Variants in RCC1L observed in about 807,000 individuals in gnomAD.
RCC1L encodes RCC1 like, also known as RCC1-like G exchanging factor-like protein.
Under a neutral mutation model 58.6 loss-of-function variants are expected in RCC1L, and 46 were observed. The ratio of observed to expected loss-of-function variants is 0.79; its 90% CI spans 0.62 to 1.00. The LOEUF (loss-of-function observed/expected upper bound fraction) is 1.00. Among genes scored for constraint, RCC1L ranks in the 50% least tolerant of loss-of-function variants. The pLI, the probability that RCC1L is intolerant of heterozygous loss-of-function variation, is 0.00. For missense variants in RCC1L, 636 were observed against 623.6 expected (o/e 1.02, Z -0.21); for synonymous variants, 281 against 262.9 (o/e 1.07, Z -0.67).
At chr7:75,047,624 A>G (rs1290937296) in intron 10 of RCC1L, among the ~76,000 whole-genome samples, 1 of 152,054 alleles carries the variant, frequency 6.6e-6, no homozygotes, top group Non-Finnish European at 1.5e-5. Context: ...AGGTGGGTAC[A>G]TACACAGATG....
chr7:75,064,446 C>T (rs1040307635), intron 4 of RCC1L, 136 bp downstream of exon 4: 3 of 904,258 alleles, frequency 3.3e-6, no homozygotes, highest in African/African-American at 3.3e-5. Context: ...AGCACTCCCC[C>T]AGCTTTCTGC....
At position 75,042,733 on chromosome 7, in the gene RCC1L, C is replaced by T. The variant is rs1279196832; in HGVS notation, c.*299G>A. The T allele has an allele frequency of 1.7e-5, 23 of 1,332,364 alleles. No homozygotes were observed. The highest frequency in any genetic ancestry group is 5.2e-5 in the South Asian group (3 of 58,020). 82.5% of individuals were successfully genotyped at this position (1,332,364 alleles called of 1,614,324 possible). ...CCTAAGACGGGCTTCTCAGGCGAGA[C>T]GTGACACCAGACACCGTCGCATGTT... On this transcript the variant is annotated 3_prime_UTR_variant, in exon 11 of 11. Transcript: ENST00000610322.
chr7:75,073,466 C>T lies in RCC1L; in HGVS notation c.272G>A (p.Arg91Gln). The T allele has an allele frequency of 7.3e-7, 1 of 1,377,192 alleles. No individual in the cohort carries two copies. The highest frequency in any genetic ancestry group is 9.3e-7 in the Non-Finnish European group (1 of 1,071,150). The allele number at this position is 1,377,192 out of a possible 1,614,324, so 85.3% of individuals were successfully genotyped here. Reference protein sequence around the residue: ...SSGPGPRAGARPRRRIQPVPY... With the variant: ...SSGPGPRAGAQPRRRIQPVPY... ...CACGGGCTGGATCCTGCGGCGCGGT[C>T]GGGCGCCGGCGCGGGGCCCGGGCCC... is the stretch of plus-strand genomic sequence containing the variant. Residue 91 changes from arginine (R) to glutamine (Q), a missense_variant, in exon 1 of 11, where the codon CGA becomes CAA. Physicochemically the swap from Arg to Gln is conservative, Grantham distance 43 (BLOSUM62 1). Transcript: ENST00000610322.
exon 11 of RCC1L, chr7:75,027,922 G>T: frequency 1.6e-6 from 2 of 1,212,594 alleles, no homozygotes; most frequent in Non-Finnish European, 2.3e-6. Flanking sequence ...GGGTGGGAGG[G>T]TCTCTCCAGG....
intron 4 of RCC1L, among the ~76,000 whole-genome samples, chr7:75,064,284 T>G (rs900287451): frequency 6.6e-6 from 1 of 150,570 alleles, no homozygotes; most frequent in Non-Finnish European, 1.5e-5. Flanking sequence ...GAGCCGAGAT[T>G]GCGCCTCTGC....
chr7:75,061,039 A>C (rs1465757478), intron 6 of RCC1L, among the ~76,000 whole-genome samples, 168 bp downstream of exon 6: 2 of 152,124 alleles, frequency 1.3e-5, no homozygotes, highest in Non-Finnish European at 2.9e-5. Flanking sequence ...GCGCCACTGC[A>C]CTCCAGCTTG....
chr7:75,041,276 TCTC>T (rs1370475016), downstream of RCC1L, among the ~76,000 whole-genome samples: 11 of 151,966 alleles, frequency 7.2e-5, no homozygotes, highest in African/African-American at 2.7e-4. Context: ...GATCCCATCC[TCTC>T]CTCCTGCTTT....
chr7:75,029,817 T>C (rs1203400871), intron 10 of RCC1L, among the ~76,000 whole-genome samples: 3 of 151,866 alleles, frequency 2.0e-5, no homozygotes, highest in Admixed American at 2.0e-4. Flanking sequence ...GAAAAGACAT[T>C]GGCTTTGGGT....
intron 10 of RCC1L, among the ~76,000 whole-genome samples, chr7:75,029,636 G>A (rs935502546): frequency 4.0e-5 from 6 of 150,938 alleles, no homozygotes; most frequent in Non-Finnish European, 3.0e-5. Context: ...GAGATACCCC[G>A]CCTGGCCAAT....
chr7:75,028,899 C>T (rs1267316827), intron 10 of RCC1L, among the ~76,000 whole-genome samples: 1 of 152,230 alleles, frequency 6.6e-6, no homozygotes, highest in African/African-American at 2.4e-5. Flanking sequence ...CACTCCAAAC[C>T]ACTGGCATTC....
chr7:75,037,726 G>A (rs1805459414), downstream of RCC1L, among the ~76,000 whole-genome samples: 2 of 150,766 alleles, frequency 1.3e-5, no homozygotes, highest in African/African-American at 4.9e-5. Context: ...GGTCAGACTG[G>A]TCTTCAACTC....
rs1554446510 is a variant in RCC1L at position 75,073,574 on chromosome 7, G to C, written c.164C>G (p.Ala55Gly). Residue 55 changes from alanine (A) to glycine (G), a missense_variant, in exon 1 of 11, where the codon GCT becomes GGT. Ala to Gly is a moderately conservative substitution (Grantham distance 60). Coordinates refer to ENST00000610322, the MANE Select transcript of RCC1L (RefSeq NM_030798.5). ...VPVVQYVGERAARADRVFVWG... is the reference protein window; with the variant it reads ...VPVVQYVGERGARADRVFVWG... ...CACGAAGACGCGATCGGCGCGGGCA[G>C]CGCGCTCGCCCACGTACTGGACCAC... is the stretch of plus-strand genomic sequence containing the variant. 2.6e-6 allele frequency: 4 copies of C among 1,511,502 alleles called. No individual in the cohort carries two copies. The African/African-American group carries it at 5.8e-5, about 22-fold the overall frequency. 93.6% of individuals were successfully genotyped at this position (1,511,502 alleles called of 1,614,324 possible). A position where few individuals can be genotyped will look rare whatever the true frequency, so the allele number is the denominator to read the frequency against.
At chr7:75,031,365 C>T (rs1389518367) in intron 10 of RCC1L, among the ~76,000 whole-genome samples, 3 of 152,152 alleles carry the variant, frequency 2.0e-5, no homozygotes, top group Admixed American at 6.5e-5. Flanking sequence ...GCCATCTTAT[C>T]CCTACCCCCC....
chr7:75,060,847 C>T (rs1353637328), intron 6 of RCC1L, among the ~76,000 whole-genome samples: 2 of 151,998 alleles, frequency 1.3e-5, no homozygotes, highest in African/African-American at 4.8e-5. Context: ...ACCAAGAGGC[C>T]ACAGCAGGCA....
Position 75,052,567 on chromosome 7 carries a change from G to A in RCC1L, c.1317+144C>T, listed in dbSNP as rs1179379462. 14 of 725,886 alleles carry A rather than the reference G, an allele frequency of 1.9e-5. 1 individual carries two copies. Among genetic ancestry groups the A allele is most frequent in the African/African-American group, 1.2e-4 (7 of 57,258 alleles). The allele number at this position is 725,886 out of a possible 1,614,324, so 45.0% of individuals were successfully genotyped here. A position where few individuals can be genotyped will look rare whatever the true frequency, so the allele number is the denominator to read the frequency against. On this transcript the variant is annotated intron_variant, in intron 10 of 10. Coordinates refer to ENST00000610322, the MANE Select transcript of RCC1L (RefSeq NM_030798.5). ...AGTGTGCAATGACATAGCATGCCGC[G>A]CTGCAGGAGTGCAGCCAGGACCCGG...
At chr7:75,056,837 G>T in intron 8 of RCC1L, 1 of 1,075,122 alleles carries the variant, frequency 9.3e-7, no homozygotes, top group African/African-American at 1.6e-5. Flanking sequence ...TTCCTTTTTT[G>T]AAACAGGGTC....
chr7:75,057,432 G>T, intron 8 of RCC1L, 97 bp downstream of exon 8: 2 of 1,298,142 alleles, frequency 1.5e-6, no homozygotes, highest in South Asian at 1.2e-5. Context: ...ACCCTCCTAA[G>T]GCTAAGGTCT....
At position 75,028,791 on chromosome 7, in the gene RCC1L, G is replaced by A. The variant is rs1298608217; in HGVS notation, c.1318-712C>T. 5.9e-5 allele frequency among the ~76,000 whole-genome samples: 9 copies of A among 152,212 alleles called. No individual in the cohort carries two copies. In the East Asian group the frequency reaches 7.7e-4, roughly 13 times the overall value. ...TTCAAGGGGCACTGCCCACACCACT[G>A]TCCTCAGCCCGAGGCATGCATCTGA... is the stretch of plus-strand genomic sequence containing the variant. On this transcript the variant is annotated intron_variant, in intron 10 of 10. Coordinates refer to the RCC1L transcript ENST00000614461.
intron 1 of RCC1L, among the ~76,000 whole-genome samples, chr7:75,072,877 C>G (rs985220109): frequency 1.3e-5 from 2 of 152,110 alleles, no homozygotes; most frequent in Non-Finnish European, 2.9e-5. Flanking sequence ...GAGGTCGAGG[C>G]TGCAGTGAGC....
Sources: allele counts gnomAD v4.1 joint callset (sites outside exome capture counted in the v4.1 genomes callset), GRCh38; gene constraint gnomAD v4.1.1; transcripts MANE v1.5; gene names NCBI Gene and HGNC (gene_info 2026-07-23, HGNC 2026-07-21).